NHSL1: variants seen among roughly 807,000 people sequenced by gnomAD.
NHSL1 encodes the protein NHS like 1.
In NHSL1, 48 loss-of-function variants were observed where a neutral mutation model predicts 95.0. The ratio of observed to expected loss-of-function variants is 0.51; its 90% confidence interval spans 0.40 to 0.64. The LOEUF (loss-of-function observed/expected upper bound fraction) is 0.64, where lower values mean the gene tolerates loss of function less well. Ranked by LOEUF, NHSL1 falls within the 30% of genes least tolerant of loss-of-function variation. The probability of loss-of-function intolerance (pLI) is 0.00; values close to 1 mark genes in which losing one functional copy is unlikely to be tolerated. For synonymous variants in NHSL1, 783 were observed against 833.9 expected, an observed-to-expected ratio of 0.94 and a Z score of 1.05; for missense variants, 1,971 against 2,077.7, an observed-to-expected ratio of 0.95 and a Z score of 1.00.
At chr6:138,435,924 T>C (rs1293520028) in intron 5 of NHSL1, among the ~76,000 whole-genome samples, 1 of 152,174 alleles carries the variant, frequency 6.6e-6, no homozygotes, top group African/African-American at 2.4e-5. Flanking sequence ...TTGATATTAC[T>C]ATTGTAATTG....
chr6:138,498,642 G>C (rs984087769), intron 1 of NHSL1, among the ~76,000 whole-genome samples: 3 of 152,212 alleles, frequency 2.0e-5, no homozygotes, highest in African/African-American at 7.2e-5. Context: ...TTAAAGAAAT[G>C]TAAGTCAATG....
Position 138,456,050 on chromosome 6 carries a change from A to C in NHSL1, c.340-8857T>G, listed in dbSNP as rs1016868228. On this transcript the variant is annotated intron_variant, in intron 3 of 7. Transcript: ENST00000343505. The stretch of plus-strand genomic sequence containing the variant: ...CCAGGCACTGTGCTAAGGGTTTCAC[A>C]AACATTAATTTACTTCAACCTCACA... Among the ~76,000 whole-genome samples, 6 of 152,250 alleles carry C rather than the reference A, an allele frequency of 3.9e-5. No homozygotes were observed. In the South Asian group the frequency reaches 1.2e-3, roughly 31 times the overall value.
chr6:138,524,013 A>G (rs1781799368), intron 1 of NHSL1, among the ~76,000 whole-genome samples: 2 of 152,172 alleles, frequency 1.3e-5, no homozygotes, highest in African/African-American at 4.8e-5. Context: ...GATTATGCCC[A>G]TTTTTGGAGT....
intron 1 of NHSL1, among the ~76,000 whole-genome samples, chr6:138,647,375 CAA>C (rs1255831223): frequency 6.6e-6 from 1 of 152,194 alleles, no homozygotes. Context: ...GTCTACAAAA[CAA>C]AAGCTTGCTC....
chr6:138,521,024 G>A (rs1781657993), intron 1 of NHSL1, among the ~76,000 whole-genome samples: 1 of 152,138 alleles, frequency 6.6e-6, no homozygotes, highest in African/African-American at 2.4e-5. Context: ...TGCCTATAAT[G>A]GGAGCTATGC....
chr6:138,478,012 C>CTTTTTTTTTTTTTTTTTT (rs71009589), intron 2 of NHSL1, among the ~76,000 whole-genome samples: 2 of 29,996 alleles, frequency 6.7e-5, no homozygotes, highest in Non-Finnish European at 1.2e-4. Flanking sequence ...ATTTATGTCA[C>CTTTTTTTTTTTTTTTTTT]TTTTTTTTTT....
At chr6:138,459,741 C>T (rs561100097) in intron 3 of NHSL1, among the ~76,000 whole-genome samples, 1 of 152,152 alleles carries the variant, frequency 6.6e-6, no homozygotes, top group African/African-American at 2.4e-5. Flanking sequence ...TTAAGTTCTG[C>T]TATATTTTTT....
intron 1 of NHSL1, among the ~76,000 whole-genome samples, chr6:138,592,587 G>A (rs1277183412): frequency 9.2e-5 from 14 of 151,372 alleles, no homozygotes; most frequent in Non-Finnish European, 1.3e-4. Context: ...GGGCGACAGA[G>A]CGAGACTGTC....
chr6:138,469,763 C>A (rs1778633869), intron 3 of NHSL1, among the ~76,000 whole-genome samples: 1 of 151,962 alleles, frequency 6.6e-6, no homozygotes. Context: ...ACAACAACAA[C>A]AAAAACACAA....
chr6:138,537,904 G>A (rs1782423046), intron 1 of NHSL1, among the ~76,000 whole-genome samples: 1 of 152,118 alleles, frequency 6.6e-6, no homozygotes, highest in South Asian at 2.1e-4. Context: ...CCAGGCCGGC[G>A]AGAAGTCCAG....
intron 1 of NHSL1, among the ~76,000 whole-genome samples, chr6:138,643,103 T>C (rs1193401112): frequency 2.0e-5 from 3 of 152,226 alleles, no homozygotes; most frequent in Non-Finnish European, 2.9e-5. Flanking sequence ...GATAGTGAGA[T>C]GATATTTTTT....
intron 3 of NHSL1, among the ~76,000 whole-genome samples, chr6:138,458,124 A>C (rs1777740665): frequency 6.6e-6 from 1 of 152,168 alleles, no homozygotes; most frequent in Admixed American, 6.6e-5. Flanking sequence ...CCCTTTCAAC[A>C]GTTACTGGAT....
At chr6:138,604,051 G>A (rs1391412468) in intron 1 of NHSL1, among the ~76,000 whole-genome samples, 1 of 152,064 alleles carries the variant, frequency 6.6e-6, no homozygotes, top group Non-Finnish European at 1.5e-5. Flanking sequence ...GAGCTCCTAC[G>A]AAAACATTTT....
At chr6:138,604,017 GT>G (rs1784402579) in intron 1 of NHSL1, among the ~76,000 whole-genome samples, 1 of 152,164 alleles carries the variant, frequency 6.6e-6, no homozygotes, top group African/African-American at 2.4e-5. Context: ...TACCAATACA[GT>G]GTTCAGTATG....
At chr6:138,530,898 C>T (rs995878430) in intron 1 of NHSL1, among the ~76,000 whole-genome samples, 4 of 152,046 alleles carry the variant, frequency 2.6e-5, no homozygotes, top group African/African-American at 9.7e-5. Flanking sequence ...TCTCAGAAAT[C>T]GTCACTAAAG....
intron 1 of NHSL1, among the ~76,000 whole-genome samples, chr6:138,686,027 G>A (rs1057469992): frequency 2.0e-5 from 3 of 152,126 alleles, no homozygotes; most frequent in Non-Finnish European, 2.9e-5. Flanking sequence ...AGGGCTGTAG[G>A]AAGAAGGTAT....
chr6:138,513,375 CT>C (rs1275012868), intron 1 of NHSL1, among the ~76,000 whole-genome samples: 9 of 150,478 alleles, frequency 6.0e-5, no homozygotes, highest in East Asian at 2.0e-4. Context: ...ATGTAAGTAA[CT>C]TTTTTTTTTC....
At chr6:138,619,306 C>A (rs1451457783) in intron 1 of NHSL1, among the ~76,000 whole-genome samples, 1 of 152,122 alleles carries the variant, frequency 6.6e-6, no homozygotes, top group African/African-American at 2.4e-5. Flanking sequence ...CCACTGCACT[C>A]CAGCCTGGAT....
chr6:138,563,798 GAGA>G (rs1783502519), intron 1 of NHSL1, among the ~76,000 whole-genome samples: 1 of 152,154 alleles, frequency 6.6e-6, no homozygotes, highest in Admixed American at 6.5e-5. Flanking sequence ...CAACTCCCTG[GAGA>G]AGGAGAGCAC....
Sources: allele counts gnomAD v4.1 joint callset (sites outside exome capture counted in the v4.1 genomes callset), GRCh38; gene constraint gnomAD v4.1.1; transcripts MANE v1.5; gene names NCBI Gene and HGNC (gene_info 2026-07-23, HGNC 2026-07-21).